Variants in SYNE1 observed in about 807,000 individuals in gnomAD.
SYNE1 encodes the protein nesprin-1.
A neutral mutation model predicts 1,111.0 loss-of-function variants in SYNE1; 616 were observed. That is an observed-to-expected ratio of 0.55 (90% CI 0.52 to 0.59). The LOEUF (loss-of-function observed/expected upper bound fraction) is 0.59. Ranked by LOEUF, SYNE1 falls within the 20% of genes least tolerant of loss-of-function variation. SYNE1 has a pLI of 0.00. For synonymous variants in SYNE1, 3,855 were observed against 3,825.8 expected (o/e 1.01, Z -0.28); for missense variants, 10,006 against 10,417.0 (o/e 0.96, Z 1.72).
At chr6:152,164,625 G>A (rs1208887524) in intron 130 of SYNE1, among the ~76,000 whole-genome samples, 1 of 152,112 alleles carries the variant, frequency 6.6e-6, no homozygotes, top group Non-Finnish European at 1.5e-5. Context: ...AGAACCACAG[G>A]TAGTATTTCT....
intron 140 of SYNE1, 114 bp from the exon 141 acceptor site, chr6:152,136,932 A>T: frequency 8.4e-7 from 1 of 1,188,180 alleles, no homozygotes; most frequent in Non-Finnish European, 1.2e-6. Flanking sequence ...CCTTAACAGG[A>T]TGGCTAGGTA....
In SYNE1 at chr6:152,215,038, C is replaced by G. The variant is rs778036632; in HGVS notation, c.22214G>C (p.Ser7405Thr). ...TAGACGGTCTAAATCTGGAGCCATG[C>G]TGCTGAATTTTAACATCTGTCCCTA... is the stretch of plus-strand genomic sequence containing the variant. ...ELKGQMLKFS[S>T]MAPDLDRLNE... The change falls in exon 122 of 146, where the codon AGC becomes ACC. Residue 7405 changes from serine (S) to threonine (T), a missense_variant. Ser to Thr is a moderately conservative substitution (Grantham distance 58). Around this residue, in one of 7 missense-constraint regions of SYNE1, gnomAD observed 2,182 missense variants for 2,287.8 expected, o/e 0.95. Coordinates refer to ENST00000367255, the MANE Select transcript of SYNE1 (RefSeq NM_182961.4). 6.2e-7 allele frequency: 1 copy of G among 1,614,008 alleles called. No homozygotes were observed. The highest frequency in any genetic ancestry group is 1.7e-5 in the Admixed American group (1 of 60,018).
At chr6:152,200,001 C>G (rs1235870138) in intron 127 of SYNE1, among the ~76,000 whole-genome samples, 1 of 152,220 alleles carries the variant, frequency 6.6e-6, no homozygotes, top group Non-Finnish European at 1.5e-5. Context: ...AACATTTCTT[C>G]TAATACTTCT....
intron 101 of SYNE1, among the ~76,000 whole-genome samples, chr6:152,261,319 C>G (rs1562587231): frequency 6.6e-6 from 1 of 152,312 alleles, no homozygotes; most frequent in South Asian, 2.1e-4. Flanking sequence ...GGCTTGTGTT[C>G]CTGACTCCCT....
intron 10 of SYNE1, 33 bp downstream of exon 10, chr6:152,502,600 T>C: frequency 1.3e-6 from 2 of 1,497,472 alleles, no homozygotes; most frequent in African/African-American, 1.4e-5. Flanking sequence ...TCATTGCATA[T>C]ACCAGTGATA....
At chr6:152,280,857 T>C (rs1307367773) in intron 97 of SYNE1, among the ~76,000 whole-genome samples, 1 of 152,190 alleles carries the variant, frequency 6.6e-6, no homozygotes, top group Non-Finnish European at 1.5e-5. Flanking sequence ...TGGATACACA[T>C]AGATAAGTTT....
intron 4 of SYNE1, among the ~76,000 whole-genome samples, chr6:152,536,102 C>A (rs1339400682): frequency 1.3e-5 from 2 of 151,574 alleles, no homozygotes; most frequent in African/African-American, 4.8e-5. Flanking sequence ...GGGGAGATAT[C>A]TCTGCTCTGG....
chr6:152,459,668 A>G (rs1160462822), intron 21 of SYNE1, among the ~76,000 whole-genome samples: 1 of 152,198 alleles, frequency 6.6e-6, no homozygotes. Flanking sequence ...CAAGAGCTCC[A>G]GGAGGTGTCT....
chr6:152,429,430 CATT>C (rs2098406847), intron 36 of SYNE1, among the ~76,000 whole-genome samples: 1 of 152,156 alleles, frequency 6.6e-6, no homozygotes, highest in Non-Finnish European at 1.5e-5. Context: ...AGTGTATTCT[CATT>C]ATCAATATTT....
In SYNE1 at chr6:152,456,009, G is replaced by A; in HGVS notation, c.2604C>T (p.Thr868=). ...LLACQENCKK[T]LTLIEKGSQS... is the part of the protein sequence containing the mutation. ...GACTGCCTTTCTCAATAAGTGTCAAGGTTTTCTTACAGTTTTCTTGACAAG... is the reference window on the plus strand; with the variant it reads ...GACTGCCTTTCTCAATAAGTGTCAAAGTTTTCTTACAGTTTTCTTGACAAG... Residue 868 remains threonine (T), a synonymous_variant, in exon 23 of 146, where the codon ACC becomes ACT. Coordinates refer to ENST00000367255, the MANE Select transcript of SYNE1 (RefSeq NM_182961.4). The A allele has an allele frequency of 6.2e-7, 1 of 1,613,862 alleles. No homozygotes were observed. The highest frequency in any genetic ancestry group is 8.5e-7 in the Non-Finnish European group (1 of 1,179,994).
At chr6:152,282,243 T>A (rs2153725925) in intron 96 of SYNE1, among the ~76,000 whole-genome samples, 1 of 152,244 alleles carries the variant, frequency 6.6e-6, no homozygotes, top group Non-Finnish European at 1.5e-5. Context: ...ATAACATACC[T>A]ATAGGACCAG....
At chr6:152,447,767 A>G in intron 28 of SYNE1, 145 bp from the exon 29 acceptor site, 2 of 934,018 alleles carry the variant, frequency 2.1e-6, no homozygotes, top group Non-Finnish European at 3.3e-6. Flanking sequence ...TGCTTAGTTT[A>G]CTTTTTGTAT....
intron 36 of SYNE1, among the ~76,000 whole-genome samples, chr6:152,429,732 C>T (rs1003791208): frequency 1.3e-5 from 2 of 152,136 alleles, no homozygotes; most frequent in African/African-American, 4.8e-5. Flanking sequence ...ATTCCTTAAA[C>T]ATCTGAGTAC....
At chr6:152,394,321 T>C (rs917660758) in intron 51 of SYNE1, among the ~76,000 whole-genome samples, 3 of 152,246 alleles carry the variant, frequency 2.0e-5, no homozygotes, top group Non-Finnish European at 4.4e-5. Flanking sequence ...GAATGATTTC[T>C]AATATGATTG....
intron 100 of SYNE1, among the ~76,000 whole-genome samples, chr6:152,265,826 T>C (rs1024886774): frequency 6.6e-6 from 1 of 152,148 alleles, no homozygotes; most frequent in Non-Finnish European, 1.5e-5. Context: ...ACACGGCAAA[T>C]GTGTGACTCT....
intron 3 of SYNE1, among the ~76,000 whole-genome samples, chr6:152,599,596 A>G (rs1031816776): frequency 2.0e-5 from 3 of 152,200 alleles, no homozygotes; most frequent in Non-Finnish European, 4.4e-5. Context: ...AAGTTGAAAG[A>G]GGCTTGGTCA....
intron 3 of SYNE1, among the ~76,000 whole-genome samples, chr6:152,542,804 C>T (rs1019916532): frequency 6.6e-5 from 10 of 151,846 alleles, no homozygotes; most frequent in African/African-American, 9.7e-5. Flanking sequence ...AGTTAGGTAG[C>T]GGCAAAATGA....
chr6:152,401,023 C>T (rs2097805021), intron 47 of SYNE1, 115 bp downstream of exon 47: 1 of 994,732 alleles, frequency 1.0e-6, no homozygotes, highest in Non-Finnish European at 1.5e-6. Flanking sequence ...ATAAGTTGGT[C>T]TGGTGTTCAT....
chr6:152,576,243 T>C (rs1278577781), intron 3 of SYNE1, among the ~76,000 whole-genome samples: 1 of 152,204 alleles, frequency 6.6e-6, no homozygotes, highest in African/African-American at 2.4e-5. Flanking sequence ...TGAGCCAGTG[T>C]TCAAGGTCCA....
Sources: allele counts gnomAD v4.1 joint callset (sites outside exome capture counted in the v4.1 genomes callset), GRCh38; gene constraint gnomAD v4.1.1; regional missense constraint gnomAD v4.1.1; transcripts MANE v1.5; gene names NCBI Gene and HGNC (gene_info 2026-07-23, HGNC 2026-07-21).